Variants in MYCT1 observed in about 807,000 individuals in gnomAD.
MYCT1 encodes MYC target 1.
A neutral mutation model predicts 15.0 loss-of-function variants in MYCT1; 12 were observed. That is an observed-to-expected ratio of 0.80 (90% CI 0.51 to 1.29). The LOEUF is 1.29. Among genes scored for constraint, MYCT1 ranks in the 50% most tolerant of loss-of-function variants. The pLI is 0.00. For synonymous variants in MYCT1, 104 were observed against 102.7 expected, an observed-to-expected ratio of 1.01 and a Z score of -0.07; for missense variants, 287 against 279.1, an observed-to-expected ratio of 1.03 and a Z score of -0.20.
intron 1 of MYCT1, among the ~76,000 whole-genome samples, chr6:152,699,384 A>ATT (rs905569166): frequency 1.3e-5 from 2 of 152,174 alleles, no homozygotes; most frequent in Non-Finnish European, 2.9e-5. Flanking sequence ...AAGGAAGGAT[A>ATT]TTGGTGAGCT....
chr6:152,718,407 T>A (rs1224708709), intron 1 of MYCT1, among the ~76,000 whole-genome samples: 1 of 152,140 alleles, frequency 6.6e-6, no homozygotes. Flanking sequence ...AATTGCTGTA[T>A]TTTATTTAAT....
intron 1 of MYCT1, among the ~76,000 whole-genome samples, chr6:152,706,596 A>C (rs78811126): frequency 1.7e-4 from 26 of 152,108 alleles, no homozygotes; most frequent in Non-Finnish European, 3.4e-4. Flanking sequence ...GTTTAAAGTT[A>C]AAAATACTAC....
At chr6:152,715,649 A>T (rs1425476885) in intron 1 of MYCT1, among the ~76,000 whole-genome samples, 1 of 152,218 alleles carries the variant, frequency 6.6e-6, no homozygotes, top group African/African-American at 2.4e-5. Flanking sequence ...TAGGCTTCAG[A>T]GGTGGGACAG....
At chr6:152,733,396 C>T in the MYCT1 span, among the ~76,000 whole-genome samples, 3 of 152,226 alleles carry the variant, frequency 2.0e-5, no homozygotes, top group Non-Finnish European at 2.9e-5. Context: ...AGCCACCATG[C>T]CTGGCCTTCC....
In MYCT1 at chr6:152,703,303, G is replaced by A. The variant is rs144562788; in HGVS notation, c.196+5205G>A. Among the ~76,000 whole-genome samples, 134 of 152,168 alleles carry A rather than the reference G, an allele frequency of 8.8e-4. 3 individuals are homozygous for A. The East Asian group carries it at 0.024, about 27-fold the overall frequency. On this transcript the variant is annotated intron_variant, in intron 1 of 1. Coordinates refer to ENST00000367245, the MANE Select transcript of MYCT1 (RefSeq NM_025107.3). ...TAGTGAAGGGAGTTTGTGTTTTCCAGGAATTTGACCATTTGAATTAAATTT... is the reference window on the plus strand; with the variant it reads ...TAGTGAAGGGAGTTTGTGTTTTCCAAGAATTTGACCATTTGAATTAAATTT...
chr6:152,715,077 C>T (rs1446815526), intron 1 of MYCT1, among the ~76,000 whole-genome samples: 5 of 152,076 alleles, frequency 3.3e-5, no homozygotes, highest in Admixed American at 2.0e-4. Context: ...TCTAAGCTTA[C>T]TTATAGTGCA....
At chr6:152,698,189 AT>A in intron 1 of MYCT1, 91 bp downstream of exon 1, 1 of 734,320 alleles carries the variant, frequency 1.4e-6, no homozygotes. Context: ...TCTCTGAGAC[AT>A]TTTGTTTACT....
the MYCT1 span, among the ~76,000 whole-genome samples, chr6:152,731,292 TTTAA>T: frequency 1.3e-5 from 2 of 152,028 alleles, no homozygotes; most frequent in African/African-American, 2.4e-5. Flanking sequence ...TTTGTGTGTG[TTTAA>T]TTAAATTTTT....
At chr6:152,732,457 C>CTT in the MYCT1 span, among the ~76,000 whole-genome samples, 81,695 of 151,770 alleles carry the variant, frequency 0.54, 24,343 homozygotes, top group Non-Finnish European at 0.66. Context: ...AGAAAAGTCT[C>CTT]TGATTCAAAA....
the MYCT1 span, among the ~76,000 whole-genome samples, chr6:152,746,945 T>C: frequency 3.3e-5 from 5 of 152,198 alleles, no homozygotes; most frequent in African/African-American, 1.2e-4. Context: ...TCATTATTTG[T>C]TTTGCTTTAT....
intron 1 of MYCT1, among the ~76,000 whole-genome samples, chr6:152,720,282 G>GTAGCT (rs2099724454): frequency 6.6e-6 from 1 of 151,988 alleles, no homozygotes; most frequent in Non-Finnish European, 1.5e-5. Context: ...TGAGCCTCTT[G>GTAGCT]TAGCTTAGGC....
At chr6:152,727,962 G>A (rs2099725946), downstream of MYCT1, among the ~76,000 whole-genome samples, 1 of 152,070 alleles carries the variant, frequency 6.6e-6, no homozygotes, top group African/African-American at 2.4e-5. Flanking sequence ...TCAGGAATTC[G>A]AGACCCGCCT....
chr6:152,723,742 G>C lies in MYCT1; in HGVS notation c.*1489G>C, dbSNP rs190922741. On this transcript the variant is annotated 3_prime_UTR_variant, in exon 2 of 2. Transcript: ENST00000367245. ...TGTGGCCACCAGAGAGTTCCAGTGGGCAGATGTCTGTGGCTGCCCTTCTCA... is the reference window on the plus strand; with the variant it reads ...TGTGGCCACCAGAGAGTTCCAGTGGCCAGATGTCTGTGGCTGCCCTTCTCA... 6.6e-6 allele frequency: 1 copy of C among 152,206 alleles called. No homozygotes were observed. Among genetic ancestry groups the C allele is most frequent in the Admixed American group, 6.5e-5 (1 of 15,288 alleles). 9.4% of individuals were successfully genotyped at this position (152,206 alleles called of 1,614,324 possible). A position where few individuals can be genotyped will look rare whatever the true frequency, so the allele number is the denominator to read the frequency against.
the MYCT1 span, among the ~76,000 whole-genome samples, chr6:152,737,291 G>C: frequency 6.6e-6 from 1 of 151,682 alleles, no homozygotes; most frequent in Non-Finnish European, 1.5e-5. Context: ...GCTTCTTAAG[G>C]TCTTGGCTAG....
At chr6:152,735,759 A>C in the MYCT1 span, among the ~76,000 whole-genome samples, 10,557 of 152,138 alleles carry the variant, frequency 0.069, 581 homozygotes, top group East Asian at 0.17. Flanking sequence ...ATATTTGTTT[A>C]CTTAATTTCA....
the MYCT1 span, among the ~76,000 whole-genome samples, chr6:152,742,455 C>T: frequency 3.9e-5 from 6 of 152,054 alleles, no homozygotes; most frequent in Non-Finnish European, 8.8e-5. Flanking sequence ...AATGAGGGAC[C>T]ATTGATGAGA....
At chr6:152,727,837 G>A (rs1489672329), downstream of MYCT1, among the ~76,000 whole-genome samples, 2 of 152,076 alleles carry the variant, frequency 1.3e-5, no homozygotes, top group Admixed American at 6.6e-5. Flanking sequence ...AGGGACTCAG[G>A]GACTTCAAGA....
chr6:152,731,821 C>T, the MYCT1 span, among the ~76,000 whole-genome samples: 4 of 150,836 alleles, frequency 2.7e-5, no homozygotes, highest in African/African-American at 7.3e-5. Flanking sequence ...GATATCAGCT[C>T]GCTGCTACCT....
At chr6:152,698,195 T>G (rs2099720737) in intron 1 of MYCT1, 97 bp downstream of exon 1, 1 of 674,408 alleles carries the variant, frequency 1.5e-6, no homozygotes, top group Non-Finnish European at 2.3e-6. Flanking sequence ...AGACATTTTG[T>G]TTACTATAAT....
Sources: allele counts gnomAD v4.1 joint callset (sites outside exome capture counted in the v4.1 genomes callset), GRCh38; gene constraint gnomAD v4.1.1; transcripts MANE v1.5; gene names NCBI Gene and HGNC (gene_info 2026-07-23, HGNC 2026-07-21).